The following ASAP2 variants were observed in gnomAD, a reference collection of about 807,000 sequenced individuals.
ASAP2 encodes the protein arf-GAP with SH3 domain, ANK repeat and PH domain-containing protein 2.
ASAP2 carries 45 observed loss-of-function variants against 131.4 expected under a neutral mutation model. That is an observed-to-expected ratio of 0.34 (90% CI 0.27 to 0.44). The LOEUF (loss-of-function observed/expected upper bound fraction) is 0.44. ASAP2 is among the 20% of genes least tolerant of loss of function. ASAP2 has a pLI of 1.00. For synonymous variants in ASAP2, 510 were observed against 503.0 expected (o/e 1.01, Z -0.19); for missense variants, 1,011 against 1,297.0 (o/e 0.78, Z 3.39).
chr2:9,221,358 G>A (rs938631616), intron 1 of ASAP2, among the ~76,000 whole-genome samples: 2 of 106,674 alleles, frequency 1.9e-5, no homozygotes, highest in African/African-American at 3.7e-5. Context: ...ATTTTCCTCT[G>A]TTGCCCAGGC....
chr2:9,320,151 T>G (rs1670062457), intron 4 of ASAP2, 137 bp from the exon 5 acceptor site: 1 of 696,622 alleles, frequency 1.4e-6, no homozygotes, highest in Non-Finnish European at 2.5e-6. Context: ...TCTTGGTTCT[T>G]TATTTTTCGT....
intron 6 of ASAP2, among the ~76,000 whole-genome samples, chr2:9,323,544 G>A (rs897415615): frequency 6.6e-6 from 1 of 152,202 alleles, no homozygotes. Flanking sequence ...TATTCCTTGG[G>A]TGTATTTAAA....
intron 1 of ASAP2, among the ~76,000 whole-genome samples, chr2:9,266,150 T>A (rs1202668296): frequency 1.3e-5 from 2 of 148,658 alleles, no homozygotes; most frequent in Non-Finnish European, 3.0e-5. Context: ...TTTTTATCTT[T>A]TTTTTTTTTT....
intron 3 of ASAP2, among the ~76,000 whole-genome samples, chr2:9,304,149 G>GT (rs1668674462): frequency 6.6e-6 from 1 of 152,194 alleles, no homozygotes; most frequent in East Asian, 1.9e-4. Flanking sequence ...ATCCCTGAGG[G>GT]TGGAGGGGCA....
intron 11 of ASAP2, among the ~76,000 whole-genome samples, chr2:9,346,035 G>A (rs995331703): frequency 6.6e-6 from 1 of 151,974 alleles, no homozygotes; most frequent in African/African-American, 2.4e-5. Flanking sequence ...GGAAATGAAG[G>A]TCATTTTCTA....
At chr2:9,270,938 G>T (rs1381006616) in intron 1 of ASAP2, among the ~76,000 whole-genome samples, 3 of 151,078 alleles carry the variant, frequency 2.0e-5, no homozygotes, top group South Asian at 2.1e-4. Context: ...GACTACAGGT[G>T]CCCGCCACTA....
In ASAP2 at chr2:9,232,963, T is replaced by C. The variant is rs1663273413; in HGVS notation, c.126+25733T>C. ...CGTGTTCCCAGCTGCAGTTTTGTTCTGTATCTATTGCCAGCAGGAATCCAA... is the reference window on the plus strand; with the variant it reads ...CGTGTTCCCAGCTGCAGTTTTGTTCCGTATCTATTGCCAGCAGGAATCCAA... On this transcript the variant is annotated intron_variant, in intron 1 of 27. Coordinates refer to ENST00000281419, the MANE Select transcript of ASAP2 (RefSeq NM_003887.3). This position sits in a 1 kb window ranked among gnomAD's most constrained non-coding sequence, Gnocchi z 4.1. Among the ~76,000 whole-genome samples the C allele has an allele frequency of 6.6e-6, 1 of 152,272 alleles. No individual in the cohort carries two copies. Among genetic ancestry groups the C allele is most frequent in the Non-Finnish European group, 1.5e-5 (1 of 68,044 alleles).
intron 3 of ASAP2, among the ~76,000 whole-genome samples, chr2:9,309,904 C>T (rs1024324923): frequency 3.3e-5 from 5 of 152,182 alleles, no homozygotes; most frequent in African/African-American, 1.2e-4. Context: ...ATCACAGGTC[C>T]AAAGCCCACT....
At chr2:9,351,113 G>C (rs74873794) in intron 12 of ASAP2, among the ~76,000 whole-genome samples, 55 of 152,332 alleles carry the variant, frequency 3.6e-4, no homozygotes, top group Admixed American at 8.5e-4. Context: ...CTGCTCCTTG[G>C]GGGCACTGTA....
chr2:9,262,458 A>G (rs1476564056), intron 1 of ASAP2, among the ~76,000 whole-genome samples: 2 of 152,158 alleles, frequency 1.3e-5, no homozygotes, highest in Non-Finnish European at 2.9e-5. Context: ...CCTGTGAGGC[A>G]GGTATTGTTA....
chr2:9,214,535 C>T (rs1333312400), intron 1 of ASAP2, among the ~76,000 whole-genome samples: 1 of 151,934 alleles, frequency 6.6e-6, no homozygotes, highest in African/African-American at 2.4e-5. Flanking sequence ...CCGCTGCGCC[C>T]GGCTGCCTTT....
chr2:9,225,452 A>G (rs555125757), intron 1 of ASAP2, among the ~76,000 whole-genome samples: 4 of 152,256 alleles, frequency 2.6e-5, no homozygotes, highest in Admixed American at 2.6e-4. Flanking sequence ...TCCCCAGGAA[A>G]TGTATACTAA....
Position 9,266,231 on chromosome 2 carries a change from C to T in ASAP2, c.127-13086C>T, listed in dbSNP as rs180822197. ...GCACAGTCATAGCCCACTGCAGCCT[C>T]GACTTCCCAGACTCAAGTGATCCTC... On this transcript the variant is annotated intron_variant, in intron 1 of 27. Coordinates refer to ENST00000281419, the MANE Select transcript of ASAP2 (RefSeq NM_003887.3). 2.4e-3 allele frequency among the ~76,000 whole-genome samples: 356 copies of T among 151,130 alleles called. 1 individual carries two copies. The highest frequency in any genetic ancestry group is 8.1e-3 in the African/African-American group (333 of 40,972).
chr2:9,209,398 T>C (rs989722114), intron 1 of ASAP2, among the ~76,000 whole-genome samples: 1 of 152,228 alleles, frequency 6.6e-6, no homozygotes, highest in African/African-American at 2.4e-5. Flanking sequence ...TATGGTTTAA[T>C]AACAATTGAT....
chr2:9,338,311 C>G (rs1671353443), intron 9 of ASAP2, among the ~76,000 whole-genome samples: 1 of 152,034 alleles, frequency 6.6e-6, no homozygotes, highest in Admixed American at 6.6e-5. Flanking sequence ...CTCTCTCTGT[C>G]TGTCTGTGTC....
chr2:9,229,656 G>A (rs979209487), intron 1 of ASAP2, among the ~76,000 whole-genome samples: 3 of 152,198 alleles, frequency 2.0e-5, no homozygotes, highest in African/African-American at 4.8e-5. Flanking sequence ...GATTGCCTGC[G>A]TTAGGCACGG....
At chr2:9,382,084 A>G (rs1674898309) in intron 20 of ASAP2, among the ~76,000 whole-genome samples, 1 of 150,900 alleles carries the variant, frequency 6.6e-6, no homozygotes, top group Non-Finnish European at 1.5e-5. Flanking sequence ...CCCAGGTTTA[A>G]GCAATTCTTC....
intron 1 of ASAP2, among the ~76,000 whole-genome samples, chr2:9,246,359 C>G (rs1247764521): frequency 9.9e-5 from 15 of 152,138 alleles, no homozygotes; most frequent in Non-Finnish European, 2.2e-4. Context: ...CAGATCATGG[C>G]CCACTGCAGC....
At chr2:9,319,174 G>A (rs529738265) in intron 4 of ASAP2, among the ~76,000 whole-genome samples, 7 of 152,338 alleles carry the variant, frequency 4.6e-5, no homozygotes, top group South Asian at 2.1e-4. Flanking sequence ...CGGGGGCAGC[G>A]GACAGGGCTA....
Sources: allele counts gnomAD v4.1 joint callset (sites outside exome capture counted in the v4.1 genomes callset), GRCh38; gene constraint gnomAD v4.1.1; non-coding constraint Gnocchi (gnomAD v3.1); transcripts MANE v1.5; gene names NCBI Gene and HGNC (gene_info 2026-07-23, HGNC 2026-07-21).